The following PAM variants were observed in gnomAD, a reference collection of about 807,000 sequenced individuals.
PAM encodes the protein peptidyl-glycine alpha-amidating monooxygenase.
A neutral mutation model predicts 122.1 loss-of-function variants in PAM; 72 were observed. That is an observed-to-expected ratio of 0.59 (90% CI 0.49 to 0.72). The LOEUF (loss-of-function observed/expected upper bound fraction) is 0.72, where lower values mean the gene tolerates loss of function less well. PAM is among the 30% of genes least tolerant of loss of function. The pLI, the probability that PAM is intolerant of heterozygous loss-of-function variation, is 0.00. For synonymous variants in PAM, 389 were observed against 404.4 expected (o/e 0.96, Z 0.46); for missense variants, 1,106 against 1,183.7 (o/e 0.93, Z 0.96).
chr5:102,835,322 G>A (rs1219978276), intron 1 of PAM, among the ~76,000 whole-genome samples: 1 of 151,978 alleles, frequency 6.6e-6, no homozygotes, highest in Non-Finnish European at 1.5e-5. Flanking sequence ...CAATAACCTT[G>A]TATTTGTGGA....
At chr5:102,909,764 C>A (rs1448636989) in intron 4 of PAM, among the ~76,000 whole-genome samples, 2 of 151,728 alleles carry the variant, frequency 1.3e-5, no homozygotes, top group African/African-American at 4.8e-5. Flanking sequence ...CCATGATATG[C>A]AAGCTAAGCT....
chr5:102,978,351 T>C (rs769184897), intron 15 of PAM, among the ~76,000 whole-genome samples: 1 of 152,208 alleles, frequency 6.6e-6, no homozygotes. Context: ...AAGAAGCAGA[T>C]GTACTTCTTT....
intron 1 of PAM, among the ~76,000 whole-genome samples, chr5:102,780,787 C>CT (rs1388774605): frequency 7.1e-6 from 1 of 140,250 alleles, no homozygotes; most frequent in South Asian, 2.3e-4. Context: ...TTCTTTCTTT[C>CT]TTTCTTTCTT....
chr5:102,808,520 G>A (rs771010703), intron 1 of PAM, among the ~76,000 whole-genome samples: 7 of 152,260 alleles, frequency 4.6e-5, no homozygotes, highest in East Asian at 3.9e-4. Flanking sequence ...CAAACTATTC[G>A]AAATATGTAA....
chr5:102,763,295 T>A (rs1003466360), intron 1 of PAM, among the ~76,000 whole-genome samples: 1 of 152,160 alleles, frequency 6.6e-6, no homozygotes, highest in East Asian at 1.9e-4. Context: ...AGTGGAAAAA[T>A]TTTTTATCTA....
chr5:102,878,043 A>C (rs1329868831), intron 3 of PAM, among the ~76,000 whole-genome samples: 1 of 152,092 alleles, frequency 6.6e-6, no homozygotes, highest in Non-Finnish European at 1.5e-5. Context: ...AAAAGAAAAA[A>C]AATTCAGTGA....
At chr5:102,991,162 T>C (rs1274518378) in intron 16 of PAM, among the ~76,000 whole-genome samples, 2 of 152,194 alleles carry the variant, frequency 1.3e-5, no homozygotes, top group Non-Finnish European at 2.9e-5. Flanking sequence ...AATTAGCAAG[T>C]GGCAAAGCCA....
At chr5:102,866,495 G>T (rs1001146204) in intron 2 of PAM, 5 of 558,430 alleles carry the variant, frequency 9.0e-6, no homozygotes, top group African/African-American at 7.6e-5. Flanking sequence ...ACTCCAATTA[G>T]AAGTTGTGAT....
intron 11 of PAM, among the ~76,000 whole-genome samples, chr5:102,950,416 G>GGGTGTGTGTGTGTGT (rs372626572): frequency 6.9e-6 from 1 of 145,966 alleles, no homozygotes; most frequent in African/African-American, 2.6e-5. Flanking sequence ...TATGTGGGTG[G>GGGTGTGTGTGTGTGT]GTGTGTGTGT....
chr5:102,962,930 A>G (rs1223892107), intron 14 of PAM, among the ~76,000 whole-genome samples: 24 of 151,886 alleles, frequency 1.6e-4, no homozygotes, highest in Non-Finnish European at 4.4e-5. Flanking sequence ...CTATGGACAC[A>G]TAAGAAATTA....
intron 23 of PAM, among the ~76,000 whole-genome samples, chr5:103,022,409 G>T (rs2151313488): frequency 6.6e-6 from 1 of 152,014 alleles, no homozygotes; most frequent in East Asian, 1.9e-4. Context: ...AATTCCAAGT[G>T]GTCTCTAGAC....
At chr5:102,814,839 A>G (rs576486994) in intron 1 of PAM, among the ~76,000 whole-genome samples, 254 of 150,888 alleles carry the variant, frequency 1.7e-3, no homozygotes, top group African/African-American at 5.9e-3. Context: ...TGCTTTCCCA[A>G]CCCCCATCAC....
chr5:102,959,641 AG>A (rs1761877515), intron 12 of PAM, among the ~76,000 whole-genome samples: 2 of 152,090 alleles, frequency 1.3e-5, no homozygotes, highest in African/African-American at 4.8e-5. Flanking sequence ...GGTATTTAGT[AG>A]TGTTCATGGT....
chr5:103,001,603 A>G (rs1210778773), intron 16 of PAM, among the ~76,000 whole-genome samples: 1 of 152,202 alleles, frequency 6.6e-6, no homozygotes, highest in Non-Finnish European at 1.5e-5. Flanking sequence ...GAACTACTTC[A>G]GGGACTTATT....
intron 1 of PAM, among the ~76,000 whole-genome samples, chr5:102,829,918 T>A (rs1394665230): frequency 6.6e-6 from 1 of 152,204 alleles, no homozygotes; most frequent in East Asian, 1.9e-4. Context: ...TGTCTCTGTA[T>A]ATGACCTTTA....
intron 23 of PAM, among the ~76,000 whole-genome samples, chr5:103,022,182 C>A (rs1322279342): frequency 2.8e-5 from 4 of 143,886 alleles, no homozygotes; most frequent in Admixed American, 1.4e-4. Flanking sequence ...CTCTTTAGTG[C>A]AGTTAGCTTT....
At chr5:102,928,678 ATATT>A (rs2151765562) in intron 7 of PAM, among the ~76,000 whole-genome samples, 1 of 152,258 alleles carries the variant, frequency 6.6e-6, no homozygotes, top group South Asian at 2.1e-4. Flanking sequence ...ATATCGTTTT[ATATT>A]TATTAATTGG....
chr5:102,966,693 C>T (rs779966606), intron 14 of PAM, among the ~76,000 whole-genome samples: 60 of 152,084 alleles, frequency 3.9e-4, no homozygotes, highest in Non-Finnish European at 7.8e-4. Context: ...TTTTCCATTC[C>T]TCATATCCTC....
At chr5:102,997,823 C>G (rs115665550) in intron 16 of PAM, among the ~76,000 whole-genome samples, 1 of 152,190 alleles carries the variant, frequency 6.6e-6, no homozygotes, top group South Asian at 2.1e-4. Flanking sequence ...CATTTGTGTG[C>G]AGTGCAGAAC....
Sources: allele counts gnomAD v4.1 joint callset (sites outside exome capture counted in the v4.1 genomes callset), GRCh38; gene constraint gnomAD v4.1.1; transcripts MANE v1.5; gene names NCBI Gene and HGNC (gene_info 2026-07-23, HGNC 2026-07-21).